Variants in DLG2 observed in about 807,000 individuals in gnomAD.
DLG2 encodes the protein discs large MAGUK scaffold protein 2, also known as disks large homolog 2.
DLG2 carries 45 observed loss-of-function variants against 132.5 expected under a neutral mutation model. That is an observed-to-expected ratio of 0.34 (90% confidence interval 0.27 to 0.44). DLG2 has a LOEUF of 0.44. Among genes scored for constraint, DLG2 ranks in the 20% least tolerant of loss-of-function variants. The pLI, the probability that DLG2 is intolerant of heterozygous loss-of-function variation, is 1.00. For missense variants in DLG2, 1,045 were observed against 1,196.9 expected, an observed-to-expected ratio of 0.87 and a Z score of 1.87; for synonymous variants, 424 against 419.6, an observed-to-expected ratio of 1.01 and a Z score of -0.13.
intron 6 of DLG2, among the ~76,000 whole-genome samples, chr11:84,626,124 A>G (rs1339593803): frequency 6.6e-6 from 1 of 152,214 alleles, no homozygotes; most frequent in Admixed American, 6.5e-5. Context: ...AAACAATATG[A>G]GGCAGGCGTG....
chr11:83,801,307 C>T (rs1022253455), intron 17 of DLG2, among the ~76,000 whole-genome samples: 3 of 152,120 alleles, frequency 2.0e-5, no homozygotes, highest in Non-Finnish European at 4.4e-5. Context: ...CTCCTCCCAC[C>T]CTCCTCTATC....
At chr11:83,705,051 A>G (rs2083669293) in intron 18 of DLG2, among the ~76,000 whole-genome samples, 3 of 152,226 alleles carry the variant, frequency 2.0e-5, no homozygotes, top group Non-Finnish European at 4.4e-5. Flanking sequence ...ATAAAAATAA[A>G]TAAATGCGTT....
intron 6 of DLG2, among the ~76,000 whole-genome samples, chr11:85,029,656 T>C (rs2060844195): frequency 6.6e-6 from 1 of 152,078 alleles, no homozygotes; most frequent in Non-Finnish European, 1.5e-5. Context: ...TCCTTACCTA[T>C]CTTAAATTCA....
intron 3 of DLG2, among the ~76,000 whole-genome samples, chr11:85,412,026 A>G (rs2089355986): frequency 6.6e-6 from 1 of 151,718 alleles, no homozygotes; most frequent in Non-Finnish European, 1.5e-5. Flanking sequence ...TGGTAATTGA[A>G]CTCAGGTCCA....
chr11:85,360,639 C>G (rs547836613), intron 3 of DLG2, among the ~76,000 whole-genome samples: 25 of 152,154 alleles, frequency 1.6e-4, no homozygotes, highest in Non-Finnish European at 3.1e-4. Context: ...TTTTATCCCA[C>G]CACACAGGAG....
intron 6 of DLG2, among the ~76,000 whole-genome samples, chr11:84,998,891 C>T (rs538584801): frequency 6.6e-5 from 10 of 152,106 alleles, no homozygotes; most frequent in African/African-American, 2.2e-4. Flanking sequence ...AGCCCTGCTT[C>T]GCCTTCTACT....
At chr11:84,183,754 T>C (rs990819694) in intron 8 of DLG2, among the ~76,000 whole-genome samples, 14 of 152,028 alleles carry the variant, frequency 9.2e-5, no homozygotes, top group African/African-American at 3.4e-4. Context: ...GGCCCCGGTG[T>C]GTGATGTTCC....
chr11:85,165,675 A>C (rs2078386071), intron 4 of DLG2, among the ~76,000 whole-genome samples: 1 of 152,140 alleles, frequency 6.6e-6, no homozygotes, highest in Admixed American at 6.6e-5. Context: ...ATTTCAACAA[A>C]TTTAATTTAA....
At chr11:84,194,470 G>C (rs574140185) in intron 8 of DLG2, among the ~76,000 whole-genome samples, 85 of 152,284 alleles carry the variant, frequency 5.6e-4, no homozygotes, top group Non-Finnish European at 8.4e-4. Flanking sequence ...AAGACTTATT[G>C]CAAACAGTGA....
intron 6 of DLG2, among the ~76,000 whole-genome samples, chr11:84,753,175 T>C (rs1030151071): frequency 1.3e-5 from 2 of 152,176 alleles, no homozygotes; most frequent in East Asian, 3.9e-4. Context: ...AAGATCAGTG[T>C]GGCTACAGCA....
chr11:85,398,456 C>T (rs1344723002), intron 3 of DLG2, among the ~76,000 whole-genome samples: 1 of 151,668 alleles, frequency 6.6e-6, no homozygotes, highest in Admixed American at 6.6e-5. Flanking sequence ...GACAGAGACA[C>T]AAAAAAATCT....
chr11:84,070,609 T>G (rs1043363978), intron 10 of DLG2, among the ~76,000 whole-genome samples: 2 of 152,274 alleles, frequency 1.3e-5, no homozygotes, highest in Non-Finnish European at 2.9e-5. Flanking sequence ...TAATTGTACA[T>G]TTTCTCAGTC....
At chr11:83,814,886 C>A in intron 17 of DLG2, 1 of 231,312 alleles carries the variant, frequency 4.3e-6, no homozygotes, top group South Asian at 9.2e-5. Flanking sequence ...CTCCAAAGAT[C>A]CACCCATGGC....
At chr11:85,028,699 A>G (rs139958504) in intron 6 of DLG2, among the ~76,000 whole-genome samples, 68 of 152,282 alleles carry the variant, frequency 4.5e-4, no homozygotes, top group Non-Finnish European at 8.8e-4. Context: ...GGGAGAGGCC[A>G]GACAGTGGGG....
chr11:83,926,626 T>G (rs1169726753), intron 15 of DLG2, among the ~76,000 whole-genome samples: 1 of 152,124 alleles, frequency 6.6e-6, no homozygotes, highest in Non-Finnish European at 1.5e-5. Context: ...GGGCAAAAGA[T>G]TCTAGAATAT....
intron 11 of DLG2, among the ~76,000 whole-genome samples, chr11:84,020,056 G>A (rs893677868): frequency 1.3e-5 from 2 of 152,066 alleles, no homozygotes; most frequent in African/African-American, 2.4e-5. Context: ...GATGGCTAAG[G>A]AACTTCAGGA....
rs77290362 is a variant in DLG2 at position 84,961,591 on chromosome 11, C to T, written c.357+150070G>A. ...GTATGTGTATGCATGCACTAAGATG[C>T]TTTGTAAGCACTTGTTTGTTCATTA... On this transcript the variant is annotated intron_variant, in intron 6 of 27. Transcript: ENST00000376104. Among the ~76,000 whole-genome samples, 99 of 149,114 alleles carry T rather than the reference C, an allele frequency of 6.6e-4. 1 individual carries two copies. The highest frequency in any genetic ancestry group is 2.3e-3 in the African/African-American group (95 of 40,536).
At chr11:85,540,054 C>G (rs1043616753) in intron 3 of DLG2, among the ~76,000 whole-genome samples, 3 of 152,178 alleles carry the variant, frequency 2.0e-5, no homozygotes, top group African/African-American at 7.2e-5. Context: ...AACCAATTCC[C>G]TGACTCCAAT....
chr11:85,016,748 T>C (rs1316283982), intron 6 of DLG2, among the ~76,000 whole-genome samples: 3 of 152,164 alleles, frequency 2.0e-5, no homozygotes, highest in African/African-American at 7.2e-5. Flanking sequence ...AAGTCCTTAG[T>C]TGCCTTTAGC....
Sources: gnomAD v4.1 joint callset for allele counts (sites outside exome capture counted in the v4.1 genomes callset) on GRCh38, gnomAD v4.1.1 for gene constraint, MANE v1.5 for transcripts, NCBI Gene and HGNC (gene_info 2026-07-23, HGNC 2026-07-21) for gene names.